CCDC148: variants seen among roughly 807,000 people sequenced by gnomAD.
CCDC148 encodes the protein coiled-coil domain-containing protein 148.
CCDC148 carries 89 observed loss-of-function variants against 85.7 expected under a neutral mutation model. The ratio of observed to expected loss-of-function variants is 1.04; its 90% CI spans 0.87 to 1.24. The LOEUF (loss-of-function observed/expected upper bound fraction) is 1.24. Ranked by LOEUF, CCDC148 falls within the 50% of genes most tolerant of loss-of-function variation. The probability of loss-of-function intolerance (pLI) is 0.00; values close to 1 mark genes in which losing one functional copy is unlikely to be tolerated. For synonymous variants in CCDC148, 230 were observed against 213.9 expected, an observed-to-expected ratio of 1.08 and a Z score of -0.66; for missense variants, 692 against 671.7, an observed-to-expected ratio of 1.03 and a Z score of -0.33.
chr2:158,308,972 C>T (rs993129927), intron 9 of CCDC148, among the ~76,000 whole-genome samples: 2 of 152,192 alleles, frequency 1.3e-5, no homozygotes, highest in Non-Finnish European at 2.9e-5. Context: ...CCCAACACTT[C>T]GCTGAGGACT....
At chr2:158,383,063 G>A (rs1300642591) in intron 1 of CCDC148, among the ~76,000 whole-genome samples, 3 of 151,612 alleles carry the variant, frequency 2.0e-5, no homozygotes, top group Non-Finnish European at 4.4e-5. Context: ...ATTCTGTGAG[G>A]CTGAGGCAGA....
chr2:158,248,275 A>G (rs1157885220), intron 10 of CCDC148, among the ~76,000 whole-genome samples: 9 of 152,174 alleles, frequency 5.9e-5, no homozygotes, highest in Non-Finnish European at 1.0e-4. Flanking sequence ...GAAGTTCTCA[A>G]AAGAGGATTT....
At chr2:158,351,090 T>A (rs1027430874) in intron 2 of CCDC148, among the ~76,000 whole-genome samples, 7 of 152,116 alleles carry the variant, frequency 4.6e-5, no homozygotes, top group Non-Finnish European at 1.0e-4. Context: ...GAAGATCAAA[T>A]CCTATTATAC....
intron 1 of CCDC148, among the ~76,000 whole-genome samples, chr2:158,445,229 T>C (rs1688111848): frequency 6.6e-6 from 1 of 152,238 alleles, no homozygotes; most frequent in Non-Finnish European, 1.5e-5. Flanking sequence ...AGTTTTCAAT[T>C]GACCATAAAA....
At chr2:158,185,195 G>A (rs1685097565) in intron 11 of CCDC148, among the ~76,000 whole-genome samples, 1 of 152,150 alleles carries the variant, frequency 6.6e-6, no homozygotes, top group African/African-American at 2.4e-5. Context: ...ACACATGGAT[G>A]ACAGGTTCTC....
intron 1 of CCDC148, among the ~76,000 whole-genome samples, chr2:158,367,084 G>T (rs79635006): frequency 6.6e-6 from 1 of 152,074 alleles, no homozygotes; most frequent in East Asian, 1.9e-4. Context: ...ACAGACAGGA[G>T]TGGCAAATGT....
At chr2:158,250,266 T>C (rs1688735626) in intron 10 of CCDC148, among the ~76,000 whole-genome samples, 1 of 152,062 alleles carries the variant, frequency 6.6e-6, no homozygotes, top group Non-Finnish European at 1.5e-5. Flanking sequence ...AGAGGAATGA[T>C]GAATTTGTGT....
rs189480816 is a variant in CCDC148, at chr2:158,390,274, A to G, written c.26-31704T>C. Among the ~76,000 whole-genome samples the G allele has an allele frequency of 1.2e-4, 18 of 152,268 alleles. No homozygotes were observed. In the East Asian group the frequency reaches 3.1e-3, roughly 26 times the overall value. On this transcript the variant is annotated intron_variant, in intron 1 of 13. Transcript: ENST00000283233. ...TTCTCTGAGAAACCAGTCTTCAGTC[A>G]AGACAAAGGGATAGAAGGACCAAAC...
At chr2:158,432,684 A>G (rs1244648894) in intron 1 of CCDC148, among the ~76,000 whole-genome samples, 1 of 152,148 alleles carries the variant, frequency 6.6e-6, no homozygotes, top group African/African-American at 2.4e-5. Flanking sequence ...TATCAATCCA[A>G]TACAAACTCT....
intron 10 of CCDC148, among the ~76,000 whole-genome samples, chr2:158,232,678 C>G (rs1405993830): frequency 6.6e-6 from 1 of 152,110 alleles, no homozygotes; most frequent in African/African-American, 2.4e-5. Context: ...GTGACTCAGT[C>G]AGAAGGAAGT....
chr2:158,314,006 G>C (rs1364121141), intron 7 of CCDC148, 112 bp from the exon 8 acceptor site: 2 of 1,071,754 alleles, frequency 1.9e-6, no homozygotes, highest in Non-Finnish European at 2.6e-6. Flanking sequence ...CGAGGTTTCT[G>C]TGTATTTTAA....
intron 12 of CCDC148, among the ~76,000 whole-genome samples, chr2:158,177,766 T>G (rs1684667642): frequency 6.6e-6 from 1 of 152,158 alleles, no homozygotes; most frequent in Non-Finnish European, 1.5e-5. Context: ...GATATAATAG[T>G]CGTATGCATT....
chr2:158,238,279 T>C (rs1688199837), intron 10 of CCDC148, among the ~76,000 whole-genome samples: 1 of 151,916 alleles, frequency 6.6e-6, no homozygotes, highest in Non-Finnish European at 1.5e-5. Flanking sequence ...GGGACAGGAT[T>C]CCATGCACAA....
intron 2 of CCDC148, among the ~76,000 whole-genome samples, chr2:158,354,126 G>A (rs1258116268): frequency 6.6e-6 from 1 of 151,440 alleles, no homozygotes; most frequent in South Asian, 2.1e-4. Flanking sequence ...GAGAAAGCAG[G>A]AAAGATCCAA....
At chr2:158,404,373 A>G (rs936017788) in intron 1 of CCDC148, among the ~76,000 whole-genome samples, 3 of 151,948 alleles carry the variant, frequency 2.0e-5, no homozygotes, top group Non-Finnish European at 4.4e-5. Context: ...GTAAATGAGG[A>G]TGCCTAGACA....
At chr2:158,370,035 GC>G (rs1684372588) in intron 1 of CCDC148, among the ~76,000 whole-genome samples, 1 of 152,100 alleles carries the variant, frequency 6.6e-6, no homozygotes, top group South Asian at 2.1e-4. Flanking sequence ...TGGTGGATAA[GC>G]TTTTTGATGT....
intron 9 of CCDC148, 101 bp from the exon 10 acceptor site, chr2:158,251,013 T>G: frequency 9.4e-7 from 1 of 1,066,896 alleles, no homozygotes; most frequent in East Asian, 2.5e-5. Context: ...ATGTCACTTT[T>G]TTTCCAAATA....
At position 158,279,930 on chromosome 2, in the gene CCDC148, G is replaced by A. The variant is rs1049299743; in HGVS notation, c.1111-29018C>T. On this transcript the variant is annotated intron_variant, in intron 9 of 13. Transcript: ENST00000283233. ...CCATCAGACTAACAGCGGATCTCTC[G>A]GCAGAAACTCTACAAGCCAGAAGAG... Among the ~76,000 whole-genome samples, 12 of 151,576 alleles carry A rather than the reference G, an allele frequency of 7.9e-5. 1 individual carries two copies. The highest frequency in any genetic ancestry group is 1.5e-4 in the Non-Finnish European group (10 of 67,890).
At chr2:158,246,275 A>C (rs79261307) in intron 10 of CCDC148, among the ~76,000 whole-genome samples, 1,841 of 152,290 alleles carry the variant, frequency 0.012, 18 homozygotes, top group Non-Finnish European at 0.02. Flanking sequence ...CTGCTGGTGT[A>C]ATTTTCTGCC....
Sources: gnomAD v4.1 joint callset for allele counts (sites outside exome capture counted in the v4.1 genomes callset) on GRCh38, gnomAD v4.1.1 for gene constraint, MANE v1.5 for transcripts, NCBI Gene and HGNC (gene_info 2026-07-23, HGNC 2026-07-21) for gene names.